MACF1: variants seen among roughly 807,000 people sequenced by gnomAD.
MACF1 encodes the protein microtubule actin crosslinking factor 1, also known as microtubule-actin cross-linking factor 1.
A neutral mutation model predicts 854.8 loss-of-function variants in MACF1; 193 were observed. That is an observed-to-expected ratio of 0.23 (90% CI 0.20 to 0.25). MACF1 has a LOEUF of 0.25. Ranked by LOEUF, MACF1 falls within the 10% of genes least tolerant of loss-of-function variation. MACF1 has a pLI of 1.00. For missense variants in MACF1, 7,722 were observed against 8,929.1 expected, an observed-to-expected ratio of 0.86 and a Z score of 5.45; for synonymous variants, 3,185 against 3,226.7, an observed-to-expected ratio of 0.99 and a Z score of 0.44.
chr1:39,268,520 G>A (rs773992871), intron 6 of MACF1: 44 of 1,148,276 alleles, frequency 3.8e-5, no homozygotes, highest in South Asian at 2.0e-4. Context: ...TGTCTGAATC[G>A]GCAGCGGCTG....
intron 58 of MACF1, among the ~76,000 whole-genome samples, chr1:39,393,085 T>G (rs949872119): frequency 6.6e-6 from 1 of 151,460 alleles, no homozygotes; most frequent in African/African-American, 2.4e-5. Context: ...AAAGGAATTG[T>G]ATGTGTCTAA....
intron 100 of MACF1, chr1:39,485,299 T>G: frequency 2.0e-6 from 1 of 504,678 alleles, no homozygotes; most frequent in Non-Finnish European, 3.5e-6. Flanking sequence ...TTTGGGGCCA[T>G]GGAAGGTGAC....
intron 2 of MACF1, among the ~76,000 whole-genome samples, chr1:39,155,066 A>G (rs1643656691): frequency 6.6e-6 from 1 of 152,198 alleles, no homozygotes; most frequent in Non-Finnish European, 1.5e-5. Flanking sequence ...TAGCCATGAA[A>G]GGCATGCAGA....
At position 39,353,409 on chromosome 1, in the gene MACF1, C is replaced by G. The variant is rs74066754; in HGVS notation, c.11424+178C>G. On this transcript the variant is annotated intron_variant, in intron 44 of 100. Transcript: ENST00000564288. ...TTGAAATACTTTCTCCCTTGGTTTC[C>G]ATAATACTACTCTGCCCTGACCATC... Among the ~76,000 whole-genome samples, 4,792 of 152,214 alleles carry G rather than the reference C, an allele frequency of 0.031. 255 individuals carry two copies. The highest frequency in any genetic ancestry group is 0.11 in the African/African-American group (4,416 of 41,500).
At chr1:39,317,043 G>A (rs1452419850) in intron 28 of MACF1, among the ~76,000 whole-genome samples, 171 bp from the exon 29 acceptor site, 1 of 152,214 alleles carries the variant, frequency 6.6e-6, no homozygotes, top group Non-Finnish European at 1.5e-5. Context: ...GTGTGTATCA[G>A]GAAAGCAGAG....
chr1:39,239,639 G>A (rs1401999249), intron 2 of MACF1, among the ~76,000 whole-genome samples: 1 of 152,158 alleles, frequency 6.6e-6, no homozygotes, highest in Non-Finnish European at 1.5e-5. Context: ...AGCTGATAAA[G>A]TGTATCCCCC....
At chr1:39,195,399 C>T (rs914180026) in intron 2 of MACF1, among the ~76,000 whole-genome samples, 15 of 152,202 alleles carry the variant, frequency 9.9e-5, no homozygotes, top group Non-Finnish European at 7.4e-5. Context: ...TTAATTTGCT[C>T]ATTCCACAAA....
chr1:39,477,068 T>TACACACACACAC (rs1424581152), intron 97 of MACF1, among the ~76,000 whole-genome samples: 118 of 19,492 alleles, frequency 6.1e-3, no homozygotes, highest in East Asian at 0.015. Context: ...TATATATATA[T>TACACACACACAC]ATATATATAT....
chr1:39,254,224 A>T, intron 4 of MACF1, 74 bp from the exon 5 acceptor site: 1 of 1,269,398 alleles, frequency 7.9e-7, no homozygotes, highest in Non-Finnish European at 1.1e-6. Flanking sequence ...TTAGTCCTGG[A>T]AATAAAAGAG....
In MACF1 at chr1:39,334,071, G is replaced by A. The variant is rs762181833; in HGVS notation, c.7483G>A (p.Val2495Ile). Residue 2495 changes from valine to isoleucine, a missense_variant, in exon 37 of 101, where the codon GTT becomes ATT. Transcript: ENST00000564288. ...DRGLLEREEA[V>I]RLLTKQVVDG... Reference sequence around the variant, plus strand: ...AGGTCTTTTGGAGAGAGAGGAGGCCGTTCGTTTGTTGACTAAGCAAGTGGT... The same window carrying A: ...AGGTCTTTTGGAGAGAGAGGAGGCCATTCGTTTGTTGACTAAGCAAGTGGT... 15 of 1,614,138 alleles carry A rather than the reference G, an allele frequency of 9.3e-6. No individual in the cohort carries two copies. Among genetic ancestry groups the A allele is most frequent in the African/African-American group, 6.7e-5 (5 of 75,028 alleles).
intron 93 of MACF1, among the ~76,000 whole-genome samples, chr1:39,463,384 G>A (rs766288880): frequency 6.6e-6 from 1 of 151,752 alleles, no homozygotes; most frequent in Admixed American, 6.6e-5. Context: ...CAGCCACTTG[G>A]GGGGCTGAGG....
intron 36 of MACF1, among the ~76,000 whole-genome samples, chr1:39,327,989 C>T (rs1161818292): frequency 6.6e-6 from 1 of 152,132 alleles, no homozygotes; most frequent in Non-Finnish European, 1.5e-5. Context: ...ATACATGTGT[C>T]TCTGGGATAT....
chr1:39,453,367 T>C (rs1348170830), intron 87 of MACF1, among the ~76,000 whole-genome samples: 2 of 152,232 alleles, frequency 1.3e-5, no homozygotes, highest in Non-Finnish European at 2.9e-5. Context: ...AATACAAATA[T>C]GTTTACCAAC....
intron 58 of MACF1, among the ~76,000 whole-genome samples, chr1:39,395,572 A>C (rs1441120918): frequency 6.6e-6 from 1 of 152,210 alleles, no homozygotes; most frequent in African/African-American, 2.4e-5. Context: ...CAAAGAGAAG[A>C]GGAACTTCCT....
intron 20 of MACF1, 69 bp downstream of exon 20, chr1:39,295,951 C>A: frequency 7.4e-7 from 1 of 1,347,498 alleles, no homozygotes; most frequent in Non-Finnish European, 1.0e-6. Context: ...ACAAACACAT[C>A]TGCGTTAGTG....
At chr1:39,225,278 G>A (rs1644703173) in intron 1 of MACF1, among the ~76,000 whole-genome samples, 3 of 141,360 alleles carry the variant, frequency 2.1e-5, no homozygotes, top group South Asian at 4.4e-4. Context: ...CTGCAGTGGC[G>A]CAATCTCGGC....
Position 39,105,640 on chromosome 1 carries a change from C to T in MACF1, c.220+21202C>T. ...CGGGCGGCCATGGCCGGCTACGTGC[C>T]GGGTCAGCAGCCGGCCAACCGCAGC... On this transcript the variant is annotated intron_variant, in intron 2 of 93. Transcript: ENST00000361689. This position sits in a 1 kb window ranked among gnomAD's most constrained non-coding sequence, Gnocchi z 5.9. The T allele has an allele frequency of 8.1e-7, 1 of 1,232,728 alleles. No homozygotes were observed. The highest frequency in any genetic ancestry group is 1.0e-6 in the Non-Finnish European group (1 of 960,772). The allele number at this position is 1,232,728 out of a possible 1,614,324, so 76.4% of individuals were successfully genotyped here.
At chr1:39,443,606 C>T (rs1052679040) in intron 79 of MACF1, 32 bp downstream of exon 79, 4 of 1,576,510 alleles carry the variant, frequency 2.5e-6, no homozygotes, top group Non-Finnish European at 3.4e-6. Context: ...TGAGCATAAG[C>T]ATCCCATATT....
At chr1:39,169,689 C>T (rs1643920305) in intron 2 of MACF1, among the ~76,000 whole-genome samples, 1 of 151,864 alleles carries the variant, frequency 6.6e-6, no homozygotes, top group South Asian at 2.1e-4. Flanking sequence ...TAGAACACAC[C>T]TTCAGTTCCA....
Sources: gnomAD v4.1 joint callset for allele counts (sites outside exome capture counted in the v4.1 genomes callset) on GRCh38, gnomAD v4.1.1 for gene constraint, Gnocchi (gnomAD v3.1) non-coding constraint, MANE v1.5 for transcripts, NCBI Gene and HGNC (gene_info 2026-07-23, HGNC 2026-07-21) for gene names.